The following NDOR1 variants were observed in gnomAD, a reference collection of about 807,000 sequenced individuals.
NDOR1 encodes NADPH dependent diflavin oxidoreductase 1.
NDOR1 carries 61 observed loss-of-function variants against 67.2 expected under a neutral mutation model. That is an observed-to-expected ratio of 0.91 (90% CI 0.74 to 1.12). The LOEUF (loss-of-function observed/expected upper bound fraction) is 1.12, where lower values mean the gene tolerates loss of function less well. Ranked by LOEUF, NDOR1 falls within the 50% of genes most tolerant of loss-of-function variation. The pLI, the probability that NDOR1 is intolerant of heterozygous loss-of-function variation, is 0.00. For missense variants in NDOR1, 878 were observed against 802.8 expected (o/e 1.09, Z -1.13); for synonymous variants, 378 against 343.7 (o/e 1.10, Z -1.10).
At position 137,216,301 on chromosome 9, in the gene NDOR1, C is replaced by G. The variant is rs763478741; in HGVS notation, c.1679C>G (p.Ser560Trp). 1.1e-5 allele frequency: 18 copies of G among 1,612,386 alleles called. No individual in the cohort carries two copies. The highest frequency in any genetic ancestry group is 6.6e-5 in the South Asian group (6 of 91,088). ...GNAKSMPADV[S>W]EALMSIFQEE... ...GCCAAGTCCATGCCAGCGGACGTCT[C>G]GGAAGCCCTGATGTCCATCTTCCAG... The change falls in exon 14 of 14, where the codon TCG becomes TGG. Residue 560 changes from serine (S) to tryptophan (W), a missense_variant. Coordinates refer to ENST00000684003, the MANE Select transcript of NDOR1 (RefSeq NM_014434.4).
In NDOR1 at chr9:137,214,224, T is replaced by C; in HGVS notation, c.533T>C (p.Leu178Pro). ...CACAGCCTGCCCTCCAAGTTCACCC[T>C]GCTGTTCCTCCAAGAGGCACCCAGC... ...PGVPLPSKFT[L>P]LFLQEAPSTG... The change falls in exon 6 of 14, where the codon CTG becomes CCG. Residue 178 changes from leucine to proline, a missense_variant. Coordinates refer to ENST00000684003, the MANE Select transcript of NDOR1 (RefSeq NM_014434.4). 1 of 1,612,352 alleles carries C rather than the reference T, an allele frequency of 6.2e-7. No individual in the cohort carries two copies. Among genetic ancestry groups the C allele is most frequent in the Non-Finnish European group, 8.5e-7 (1 of 1,179,854 alleles).
chr9:137,207,118 T>C (rs1835005413), intron 2 of NDOR1, among the ~76,000 whole-genome samples: 1 of 151,958 alleles, frequency 6.6e-6, no homozygotes, highest in Non-Finnish European at 1.5e-5. Flanking sequence ...TTGTCGGAAC[T>C]GTAGGGGTGA....
In NDOR1 at chr9:137,218,356, C is replaced by T. The variant is rs959282858; in HGVS notation, c.*1940C>T. 11 of 397,984 alleles carry T rather than the reference C, an allele frequency of 2.8e-5. No homozygotes were observed. The highest frequency in any genetic ancestry group is 6.2e-4 in the Middle Eastern group (1 of 1,604). The allele number at this position is 397,984 out of a possible 1,614,324, so 24.7% of individuals were successfully genotyped here. ...ACCGCAACCCTGGGCCCTGGGGCTCCCTGGAGCACCGCTACCAGCTGCGCT... is the reference window on the plus strand; with the variant it reads ...ACCGCAACCCTGGGCCCTGGGGCTCTCTGGAGCACCGCTACCAGCTGCGCT... On this transcript the variant is annotated 3_prime_UTR_variant, in exon 14 of 14. Transcript: ENST00000684003.
chr9:137,212,631 A>G lies in NDOR1; in HGVS notation c.311+32A>G. 6.3e-7 allele frequency: 1 copy of G among 1,587,260 alleles called. No individual in the cohort carries two copies. ...AGGGGATGGGACAGTGGGCGGACGG[A>G]ACAGTTCTGGGGGTCGAGCAACAGG... is the stretch of plus-strand genomic sequence containing the variant. On this transcript the variant is annotated intron_variant, in intron 3 of 13. Coordinates refer to ENST00000684003, the MANE Select transcript of NDOR1 (RefSeq NM_014434.4). The surrounding 1 kb of genome is among the most constrained non-coding windows in gnomAD (Gnocchi z 4.3).
intron 2 of NDOR1, among the ~76,000 whole-genome samples, chr9:137,206,683 T>C (rs964126132): frequency 2.0e-5 from 3 of 152,198 alleles, no homozygotes; most frequent in Admixed American, 6.5e-5. Flanking sequence ...GATCCAGCTG[T>C]GAACCCAGCA....
Position 137,215,906 on chromosome 9 carries a change from C to T in NDOR1, c.1443C>T (p.Phe481=), listed in dbSNP as rs1287775531. The change falls in exon 12 of 14, where the codon TTC becomes TTT. Residue 481 remains phenylalanine (F), a synonymous_variant. Coordinates refer to ENST00000684003, the MANE Select transcript of NDOR1 (RefSeq NM_014434.4). ...CACCCTGTATTTCCCTAGGAAACTT[C>T]TTGTTTTTTGGCTGCCGCTGGCGGG... The part of the protein sequence containing the change: ...ERVAQGQTGN[F]LFFGCRWRDQ... 4.3e-6 allele frequency: 7 copies of T among 1,613,540 alleles called. No homozygotes were observed. Among genetic ancestry groups the T allele is most frequent in the South Asian group, 2.2e-5 (2 of 91,086 alleles).
rs1185063708 is a variant in NDOR1 at position 137,215,400 on chromosome 9, T to G, written c.1174-7T>G. On this transcript the variant is annotated splice_polypyrimidine_tract_variant and splice_region_variant and intron_variant, in intron 9 of 13. Transcript: ENST00000684003. ...TTCCACCACCCCCACCCCGCCGTCC[T>G]CCCCAGACTCACCCCTCACGGCTGC... 16 of 1,074,072 alleles carry G rather than the reference T, an allele frequency of 1.5e-5. No individual in the cohort carries two copies. Among genetic ancestry groups the G allele is most frequent in the East Asian group, 3.3e-5 (1 of 30,222 alleles). The allele number at this position is 1,074,072 out of a possible 1,614,324, so 66.5% of individuals were successfully genotyped here.
rs1835584000 is a variant in NDOR1, at chr9:137,216,166, G to A, written c.1627G>A (p.Gly543Ser). 1.2e-6 allele frequency: 2 copies of A among 1,613,556 alleles called. No individual in the cohort carries two copies. Among genetic ancestry groups the A allele is most frequent in the Non-Finnish European group, 1.7e-6 (2 of 1,180,016 alleles). Residue 543 changes from glycine to serine, a missense_variant, in exon 13 of 14, where the codon GGT becomes AGT. Physicochemically the swap from Gly to Ser is moderately conservative, Grantham distance 56. Coordinates refer to ENST00000684003, the MANE Select transcript of NDOR1 (RefSeq NM_014434.4). ...TGTGTGGGAACTGCTGGACCGCCAGGGTGCATACTTCTACCTGGCAGGGTG... is the reference window on the plus strand; with the variant it reads ...TGTGTGGGAACTGCTGGACCGCCAGAGTGCATACTTCTACCTGGCAGGGTG... Reference protein sequence around the residue: ...SLVWELLDRQGAYFYLAGNAK... With the variant: ...SLVWELLDRQSAYFYLAGNAK...
chr9:137,213,846 C>T lies in NDOR1; in HGVS notation c.378C>T (p.Pro126=), dbSNP rs142503515. The T allele has an allele frequency of 1.6e-4, 262 of 1,611,254 alleles. No individual in the cohort carries two copies. Among genetic ancestry groups the T allele is most frequent in the Non-Finnish European group, 2.0e-4 (241 of 1,179,230 alleles). ...AGCTTGGGGGCAGCGCCCTCCTGCC[C>T]GTGTGCCTGGGCGATGACCAGCATG... ...LLQLGGSALL[P]VCLGDDQHEL... is the part of the protein sequence containing the mutation. Residue 126 remains proline (P), a synonymous_variant, in exon 4 of 14, where the codon CCC becomes CCT. Transcript: ENST00000684003.
At chr9:137,207,018 C>G (rs1835000472) in intron 2 of NDOR1, among the ~76,000 whole-genome samples, 1 of 151,812 alleles carries the variant, frequency 6.6e-6, no homozygotes, top group African/African-American at 2.4e-5. Flanking sequence ...TACACTGGGG[C>G]AAGAGGGGAG....
rs765983480 is a variant in NDOR1, at chr9:137,213,983, G to A, written c.427G>A (p.Asp143Asn). Residue 143 changes from aspartate to asparagine, a missense_variant, in exon 5 of 14, where the codon GAC becomes AAC. By Grantham distance (23) the Asp-to-Asn change is conservative. Coordinates refer to ENST00000684003, the MANE Select transcript of NDOR1 (RefSeq NM_014434.4). ...CCCTCCCAGGCCCGACGCTGCTGTG[G>A]ACCCCTGGCTGCGAGACTTGTGGGA... ...QHELGPDAAV[D>N]PWLRDLWDRV... 1.2e-5 allele frequency: 18 copies of A among 1,558,006 alleles called. No homozygotes were observed. The highest frequency in any genetic ancestry group is 1.6e-5 in the Non-Finnish European group (18 of 1,152,476).
At chr9:137,210,478 A>G (rs1835200817) in intron 2 of NDOR1, among the ~76,000 whole-genome samples, 1 of 151,494 alleles carries the variant, frequency 6.6e-6, no homozygotes, top group African/African-American at 2.4e-5. Flanking sequence ...CCAAAGTGCT[A>G]GGTTTGCAGG....
chr9:137,212,465 G>A lies in NDOR1; in HGVS notation c.214-37G>A, dbSNP rs1835306585. On this transcript the variant is annotated intron_variant, in intron 2 of 13. Coordinates refer to ENST00000684003, the MANE Select transcript of NDOR1 (RefSeq NM_014434.4). The surrounding 1 kb of genome is among the most constrained non-coding windows in gnomAD (Gnocchi z 4.3). ...CCCCTGCTGTGGGGCTAGCCTAGAG[G>A]TCGAGGACTCTGACTCAGAGTTTCC... 1.9e-6 allele frequency: 3 copies of A among 1,587,074 alleles called. No individual in the cohort carries two copies. The highest frequency in any genetic ancestry group is 1.7e-6 in the Non-Finnish European group (2 of 1,155,512).
chr9:137,205,874 C>T lies in NDOR1; in HGVS notation c.97C>T (p.Leu33Phe), dbSNP rs1588784844. ...RLGREARRRR[L>F]GCRVQALDSY... ...GGGTCGCGAGGCCCGGCGCCGGCGG[C>T]TTGGCTGCCGGGTGCAGGCCCTGGA... The change falls in exon 1 of 14, where the codon CTT (leucine) becomes TTT (phenylalanine). Residue 33 changes from leucine to phenylalanine, a missense_variant. Transcript: ENST00000684003. The T allele has an allele frequency of 3.8e-6, 6 of 1,599,584 alleles. No individual in the cohort carries two copies. Among genetic ancestry groups the T allele is most frequent in the South Asian group, 1.1e-5 (1 of 90,916 alleles).
rs901576673 is a variant in NDOR1 at position 137,218,316 on chromosome 9, C to T, written c.*1900C>T. On this transcript the variant is annotated 3_prime_UTR_variant, in exon 14 of 14. Coordinates refer to ENST00000684003, the MANE Select transcript of NDOR1 (RefSeq NM_014434.4). ...CCCTCACGCCAGCCCCGCCGAGAGG[C>T]CCCTGCATCCTATCACCGCAACCCT... 7.5e-5 allele frequency: 30 copies of T among 398,086 alleles called. No homozygotes were observed. Among genetic ancestry groups the T allele is most frequent in the Non-Finnish European group, 1.2e-4 (28 of 225,798 alleles). 24.7% of individuals were successfully genotyped at this position (398,086 alleles called of 1,614,324 possible). A position where few individuals can be genotyped will look rare whatever the true frequency, so the allele number is the denominator to read the frequency against.
At chr9:137,213,464 C>T (rs1014272888) in intron 3 of NDOR1, among the ~76,000 whole-genome samples, 1 of 152,150 alleles carries the variant, frequency 6.6e-6, no homozygotes, top group African/African-American at 2.4e-5. Context: ...GCCTCAGCTG[C>T]CTCAAGTCCC....
rs1835523000 is a variant in NDOR1, at chr9:137,215,536, C to T, written c.1288+15C>T. On this transcript the variant is annotated intron_variant, in intron 10 of 13. Coordinates refer to ENST00000684003, the MANE Select transcript of NDOR1 (RefSeq NM_014434.4). ...CCCTGGGCAAGGTGACCCCTGCTCC[C>T]AGGGTGGGGGCCGTGGGCCCATATC... The T allele has an allele frequency of 1.2e-5, 19 of 1,612,544 alleles. No individual in the cohort carries two copies. The highest frequency in any genetic ancestry group is 1.5e-5 in the Non-Finnish European group (18 of 1,179,634).
chr9:137,218,773 A>G lies in NDOR1; in HGVS notation c.*2357A>G. The stretch of plus-strand genomic sequence containing the variant: ...CATTGCTGAACCCACAACCAGGGCT[A>G]CCCAGAGGCCTGACCCTGCCAGAGT... On this transcript the variant is annotated 3_prime_UTR_variant, in exon 14 of 14. Transcript: ENST00000684003. The G allele has an allele frequency of 2.5e-6, 1 of 397,106 alleles. No individual in the cohort carries two copies. The highest frequency in any genetic ancestry group is 4.4e-6 in the Non-Finnish European group (1 of 225,608). 24.6% of individuals were successfully genotyped at this position (397,106 alleles called of 1,614,324 possible). A position where few individuals can be genotyped will look rare whatever the true frequency, so the allele number is the denominator to read the frequency against.
At position 137,214,587 on chromosome 9, in the gene NDOR1, T is replaced by G; in HGVS notation, c.740T>G (p.Val247Gly). The G allele has an allele frequency of 4.3e-6, 7 of 1,611,506 alleles. No homozygotes were observed. The highest frequency in any genetic ancestry group is 5.9e-6 in the Non-Finnish European group (7 of 1,179,912). The change falls in exon 7 of 14, where the codon GTG becomes GGG. Residue 247 changes from valine to glycine, a missense_variant. Transcript: ENST00000684003. ...CCACACAGCTTTGCTGCTGGTGATG[T>G]GGTGCTGATTCAGCCCTCCAACTCG... ...GSGISFAAGDVVLIQPSNSAA... is the reference protein window; with the variant it reads ...GSGISFAAGDGVLIQPSNSAA...
Sources: allele counts gnomAD v4.1 joint callset (sites outside exome capture counted in the v4.1 genomes callset), GRCh38; gene constraint gnomAD v4.1.1; non-coding constraint Gnocchi (gnomAD v3.1); transcripts MANE v1.5; gene names NCBI Gene and HGNC (gene_info 2026-07-23, HGNC 2026-07-21).